AHNAK2: variants seen among roughly 807,000 people sequenced by gnomAD.
The protein encoded by AHNAK2 is AHNAK nucleoprotein 2, also known as protein AHNAK2.
A neutral mutation model predicts 30.7 loss-of-function variants in AHNAK2; 18 were observed. The ratio of observed to expected loss-of-function variants is 0.59; its 90% CI spans 0.41 to 0.87. The LOEUF (loss-of-function observed/expected upper bound fraction) is 0.87. Among genes scored for constraint, AHNAK2 ranks in the 40% least tolerant of loss-of-function variants. The pLI, the probability that AHNAK2 is intolerant of heterozygous loss-of-function variation, is 0.00. For synonymous variants in AHNAK2, 3,590 were observed against 3,073.8 expected, an observed-to-expected ratio of 1.17 and a Z score of -5.56; for missense variants, 8,604 against 7,373.0, an observed-to-expected ratio of 1.17 and a Z score of -6.11.
chr14:104,945,501 G>C lies in AHNAK2; in HGVS notation c.9950C>G (p.Ser3317Trp), dbSNP rs375227548. Residue 3317 changes from serine (S) to tryptophan (W), a missense_variant, in exon 7 of 7, where the codon TCG (serine) becomes TGG (tryptophan). Coordinates refer to ENST00000333244, the MANE Select transcript of AHNAK2 (RefSeq NM_138420.4). ...CTTGCCTGGGGCAGACGCCCTGTAC[G>C]ACGGCATCTTGAATTTGGGCATTTT... ...KFKMPKFKMP[S>W]YRASAPGKSI... is the part of the protein sequence containing the mutation. 2.5e-6 allele frequency: 4 copies of C among 1,613,020 alleles called. No individual in the cohort carries two copies. The Admixed American group carries it at 5.0e-5, about 20-fold the overall frequency.
chr14:104,960,367 A>G (rs1162962537), intron 1 of AHNAK2, among the ~76,000 whole-genome samples: 1 of 152,218 alleles, frequency 6.6e-6, no homozygotes, highest in Non-Finnish European at 1.5e-5. Flanking sequence ...TTCCCTAAAC[A>G]ATATAGTATA....
rs780192026 is a variant in AHNAK2 at position 104,952,639 on chromosome 14, C to A, written c.2812G>T (p.Val938Phe). ...TTCAGGTCCAGCTTGGGGCCCTTAACATCTATCTGGGGGCCCTTGAGGTCC... is the reference window on the plus strand; with the variant it reads ...TTCAGGTCCAGCTTGGGGCCCTTAAAATCTATCTGGGGGCCCTTGAGGTCC... ...KVDLKGPQID[V>F]KGPKLDLKGP... The change falls in exon 7 of 7, where the codon GTT becomes TTT. Residue 938 changes from valine to phenylalanine, a missense_variant. Coordinates refer to ENST00000333244, the MANE Select transcript of AHNAK2 (RefSeq NM_138420.4). 16 of 1,609,790 alleles carry A rather than the reference C, an allele frequency of 9.9e-6. No homozygotes were observed. In the East Asian group the frequency reaches 3.6e-4, roughly 36 times the overall value.
At position 104,947,558 on chromosome 14, in the gene AHNAK2, C is replaced by G. The variant is rs367650805; in HGVS notation, c.7893G>C (p.Glu2631Asp). 5.6e-6 allele frequency: 9 copies of G among 1,612,996 alleles called. No homozygotes were observed. Among genetic ancestry groups the G allele is most frequent in the Admixed American group, 1.7e-5 (1 of 59,936 alleles). Residue 2631 changes from glutamate to aspartate, a missense_variant, in exon 7 of 7, where the codon GAG (glutamate) becomes GAC (aspartate). Glu to Asp is a conservative substitution (Grantham distance 45, BLOSUM62 2). Coordinates refer to ENST00000333244, the MANE Select transcript of AHNAK2 (RefSeq NM_138420.4). ...PRAKLDGARL[E>D]GDLSLADKGV... ...CCTTGTCGGCCAGGGACAGGTCCCC[C>G]TCCAGCCGCGCACCATCCAGCTTTG...
chr14:104,937,984 G>A lies in AHNAK2; in HGVS notation c.*79C>T, dbSNP rs768229280. ...GGTGGATGTAATGTGCTGTGGGATGGGGTGCTCCATATGTGTGTGTAGCCT... is the reference window on the plus strand; with the variant it reads ...GGTGGATGTAATGTGCTGTGGGATGAGGTGCTCCATATGTGTGTGTAGCCT... On this transcript the variant is annotated 3_prime_UTR_variant, in exon 7 of 7. Coordinates refer to ENST00000333244, the MANE Select transcript of AHNAK2 (RefSeq NM_138420.4). The A allele has an allele frequency of 5.1e-5, 74 of 1,439,360 alleles. No individual in the cohort carries two copies. The highest frequency in any genetic ancestry group is 1.9e-4 in the Middle Eastern group (1 of 5,272). 89.2% of individuals were successfully genotyped at this position (1,439,360 alleles called of 1,614,324 possible). A position where few individuals can be genotyped will look rare whatever the true frequency, so the allele number is the denominator to read the frequency against.
Position 104,949,614 on chromosome 14 carries a change from T to G in AHNAK2, c.5837A>C (p.Asp1946Ala). The change falls in exon 7 of 7, where the codon GAT (aspartate) becomes GCT (alanine). Residue 1946 changes from aspartate to alanine, a missense_variant. Asp to Ala is a moderately radical substitution (Grantham distance 126, BLOSUM62 -2). Transcript: ENST00000333244. ...CATGCTGGGCAGAGACACCTCGACA[T>G]CGGGGGCTGTCACTTCCGCCTTGGG... ...KGPKAEVTAP[D>A]VEVSLPSMEV... 6.3e-7 allele frequency: 1 copy of G among 1,588,904 alleles called. No individual in the cohort carries two copies. Among genetic ancestry groups the G allele is most frequent in the Non-Finnish European group, 8.6e-7 (1 of 1,163,338 alleles).
rs1897981841 is a variant in AHNAK2, at chr14:104,941,437, C to T, written c.14014G>A (p.Val4672Ile). Residue 4672 changes from valine to isoleucine, a missense_variant, in exon 7 of 7, where the codon GTT (valine) becomes ATT (isoleucine). Physicochemically the swap from Val to Ile is conservative, Grantham distance 29 (BLOSUM62 3). Transcript: ENST00000333244. ...TSTFPIVESV[V>I]HEGDLHDPSR... ...GGATCATGAAGATCACCTTCATGAA[C>T]AACAGATTCCACAATGGGAAATGTG... 1 of 1,612,664 alleles carries T rather than the reference C, an allele frequency of 6.2e-7. No individual in the cohort carries two copies. The highest frequency in any genetic ancestry group is 1.3e-5 in the African/African-American group (1 of 74,918).
intron 5 of AHNAK2, 162 bp from the exon 6 acceptor site, chr14:104,955,303 G>T (rs1898938952): frequency 2.4e-6 from 3 of 1,275,382 alleles, no homozygotes; most frequent in East Asian, 4.8e-5. Flanking sequence ...CAGGCAAGGT[G>T]GATGGGGTCC....
chr14:104,948,061 A>G lies in AHNAK2; in HGVS notation c.7390T>C (p.Trp2464Arg), dbSNP rs766899462. 1.0e-4 allele frequency: 163 copies of G among 1,606,760 alleles called. 1 individual carries two copies. Among genetic ancestry groups the G allele is most frequent in the South Asian group, 7.4e-4 (67 of 90,588 alleles). ...EAPGAKLDGA[W>R]LEGDLSVADK... ...GCCACAGACAGGTCCCCCTCCAGCC[A>G]CGCACCATCCAGCTTGGCTCCCGGG... is the stretch of plus-strand genomic sequence containing the variant. Residue 2464 changes from tryptophan to arginine, a missense_variant, in exon 7 of 7, where the codon TGG becomes CGG. Coordinates refer to ENST00000333244, the MANE Select transcript of AHNAK2 (RefSeq NM_138420.4).
rs1484809933 is a variant in AHNAK2, at chr14:104,939,073, T to C, written c.16378A>G (p.Ile5460Val). ...TGAATATGCACTCTGACCTTTGAAATTGGGGGAGCTTCCAAAGGCAGGTTA... is the reference window on the plus strand; with the variant it reads ...TGAATATGCACTCTGACCTTTGAAACTGGGGGAGCTTCCAAAGGCAGGTTA... ...DLNLPLEAPP[I>V]SKVRVHIQGA... The change falls in exon 7 of 7, where the codon ATT (isoleucine) becomes GTT (valine). Residue 5460 changes from isoleucine to valine, a missense_variant. Coordinates refer to ENST00000333244, the MANE Select transcript of AHNAK2 (RefSeq NM_138420.4). 6.2e-6 allele frequency: 10 copies of C among 1,603,952 alleles called. No homozygotes were observed. The highest frequency in any genetic ancestry group is 2.7e-5 in the African/African-American group (2 of 74,736).
rs146147417 is a variant in AHNAK2 at position 104,944,513 on chromosome 14, C to T, written c.10938G>A (p.Pro3646=). The T allele has an allele frequency of 9.2e-5, 148 of 1,612,594 alleles. 2 individuals carry two copies. In the South Asian group the frequency reaches 1.1e-3, roughly 12 times the overall value. ...TCCCTGGGGCCGATACCCTGAATGA[C>T]GGCATCTTGAATTTGGGCATTTTGA... is the stretch of plus-strand genomic sequence containing the variant. ...SKFKMPKFKM[P]SFRVSAPGKS... The change falls in exon 7 of 7, where the codon CCG becomes CCA. Residue 3646 remains proline (P), a synonymous_variant. Transcript: ENST00000333244.
rs557479528 is a variant in AHNAK2 at position 104,945,432 on chromosome 14, G to C, written c.10019C>G (p.Ala3340Gly). ...CTGCATGGAGGGGAGGCTCACGTCGGCCTCCGCCTTCGGCGCAGACACATC... is the reference window on the plus strand; with the variant it reads ...CTGCATGGAGGGGAGGCTCACGTCGCCCTCCGCCTTCGGCGCAGACACATC... ...SVDVSAPKAE[A>G]DVSLPSMQGD... is the part of the protein sequence containing the mutation. The change falls in exon 7 of 7, where the codon GCC becomes GGC. Residue 3340 changes from alanine (A) to glycine (G), a missense_variant. Physicochemically the swap from Ala to Gly is moderately conservative, Grantham distance 60. Coordinates refer to ENST00000333244, the MANE Select transcript of AHNAK2 (RefSeq NM_138420.4). 2.2e-5 allele frequency: 35 copies of C among 1,613,414 alleles called. No homozygotes were observed. In the Admixed American group the frequency reaches 4.7e-4, roughly 22 times the overall value.
Position 104,953,984 on chromosome 14 carries a change from T to C in AHNAK2, c.1467A>G (p.Leu489=), listed in dbSNP as rs368567520. The change falls in exon 7 of 7, where the codon TTA becomes TTG. Residue 489 remains leucine, a synonymous_variant. Coordinates refer to ENST00000333244, the MANE Select transcript of AHNAK2 (RefSeq NM_138420.4). ...TGGAAAATGCAAATTTTGGTGTCTTTAAATCGTGTACTCGCACCCTAATTT... is the reference window on the plus strand; with the variant it reads ...TGGAAAATGCAAATTTTGGTGTCTTCAAATCGTGTACTCGCACCCTAATTT... The part of the protein sequence containing the change: ...PPEIRVRVHD[L]KTPKFAFSTE... 2 of 1,613,776 alleles carry C rather than the reference T, an allele frequency of 1.2e-6. No homozygotes were observed. Among genetic ancestry groups the C allele is most frequent in the African/African-American group, 2.7e-5 (2 of 74,938 alleles).
At chr14:104,965,113 C>T (rs562040267) in intron 1 of AHNAK2, among the ~76,000 whole-genome samples, 34 of 152,196 alleles carry the variant, frequency 2.2e-4, no homozygotes, top group African/African-American at 8.2e-4. Context: ...TATGTGTGAC[C>T]CAAGACAATT....
Position 104,954,118 on chromosome 14 carries a change from C to T in AHNAK2, c.1333G>A (p.Gly445Arg), listed in dbSNP as rs1275152133. ...TCGCCTTCACCCTCCCGGCTCATTC[C>T]AGGAGTTGGCTGGGCCCTGGGCTTC... ...QRKPRAQPTP[G>R]MSREGEGEGL... The change falls in exon 7 of 7, where the codon GGA (glycine) becomes AGA (arginine). Residue 445 changes from glycine (G) to arginine (R), a missense_variant. By Grantham distance (125) the Gly-to-Arg change is moderately radical. Transcript: ENST00000333244. This position sits in a 1 kb window ranked among gnomAD's most constrained non-coding sequence, Gnocchi z 4.3. The T allele has an allele frequency of 9.9e-6, 16 of 1,612,040 alleles. No individual in the cohort carries two copies. Among genetic ancestry groups the T allele is most frequent in the Non-Finnish European group, 1.4e-5 (16 of 1,179,876 alleles).
In AHNAK2 at chr14:104,950,562, G is replaced by A. The variant is rs1246198898; in HGVS notation, c.4889C>T (p.Ala1630Val). ...CGCACCATCCAGCTTTGCTCTCGGG[G>A]CCTGGACGTCCACCTCCATGCTGGA... is the stretch of plus-strand genomic sequence containing the variant. The part of the protein sequence containing the change: ...SLSSMEVDVQ[A>V]PRAKLDGAQL... Residue 1630 changes from alanine (A) to valine (V), a missense_variant, in exon 7 of 7, where the codon GCC (alanine) becomes GTC (valine). Physicochemically the swap from Ala to Val is moderately conservative, Grantham distance 64. Coordinates refer to ENST00000333244, the MANE Select transcript of AHNAK2 (RefSeq NM_138420.4). 2.5e-6 allele frequency: 4 copies of A among 1,587,086 alleles called. No homozygotes were observed. The highest frequency in any genetic ancestry group is 3.5e-5 in the Admixed American group (2 of 57,498).
At chr14:104,961,439 C>G (rs947712537) in intron 1 of AHNAK2, among the ~76,000 whole-genome samples, 1 of 143,884 alleles carries the variant, frequency 7.0e-6, no homozygotes, top group Admixed American at 6.9e-5. Context: ...GCGTGAACCC[C>G]GGGGGGCGGA....
At chr14:104,961,248 C>T (rs1053290213) in intron 1 of AHNAK2, among the ~76,000 whole-genome samples, 11 of 152,022 alleles carry the variant, frequency 7.2e-5, no homozygotes, top group Non-Finnish European at 4.4e-5. Context: ...GGCACGGTGG[C>T]TCACGCCTGT....
intron 1 of AHNAK2, among the ~76,000 whole-genome samples, chr14:104,974,177 C>G (rs1303020914): frequency 6.6e-6 from 1 of 152,254 alleles, no homozygotes. Flanking sequence ...AAGCTCGCAG[C>G]GTGGCTGGGG....
Position 104,948,754 on chromosome 14 carries a change from TGAGGCC to T in AHNAK2, c.6691_6696del (p.Gly2231_Leu2232del), listed in dbSNP as rs1393098770. Reference sequence around the variant, plus strand: ...ATCTGCAGCTTGGGCAGGTGCCCTTTGAGGCCGACTTCCTCGGGCACAGGGCCCTCC... The same window carrying T: ...ATCTGCAGCTTGGGCAGGTGCCCTTTGACTTCCTCGGGCACAGGGCCCTCC... On this transcript the variant is annotated inframe_deletion, in exon 7 of 7. Transcript: ENST00000333244. 1 of 1,611,872 alleles carries T rather than the reference TGAGGCC, an allele frequency of 6.2e-7. No individual in the cohort carries two copies. Among genetic ancestry groups the T allele is most frequent in the Admixed American group, 1.7e-5 (1 of 59,852 alleles).
Sources: gnomAD v4.1 joint callset for allele counts (sites outside exome capture counted in the v4.1 genomes callset) on GRCh38, gnomAD v4.1.1 for gene constraint, Gnocchi (gnomAD v3.1) non-coding constraint, MANE v1.5 for transcripts, NCBI Gene and HGNC (gene_info 2026-07-23, HGNC 2026-07-21) for gene names.